The following PLXDC1 variants were observed in gnomAD, a reference collection of about 807,000 sequenced individuals.
The protein encoded by PLXDC1 is plexin domain-containing protein 1.
A neutral mutation model predicts 61.3 loss-of-function variants in PLXDC1; 39 were observed. The ratio of observed to expected loss-of-function variants is 0.64; its 90% CI spans 0.49 to 0.83. The LOEUF (loss-of-function observed/expected upper bound fraction) is 0.83. PLXDC1 is among the 40% of genes least tolerant of loss of function. The probability of loss-of-function intolerance (pLI) is 0.00; values close to 1 mark genes in which losing one functional copy is unlikely to be tolerated. For synonymous variants in PLXDC1, 212 were observed against 254.5 expected (o/e 0.83, Z 1.59); for missense variants, 596 against 666.5 (o/e 0.89, Z 1.17).
chr17:39,116,259 C>G (rs1262096607), intron 2 of PLXDC1, among the ~76,000 whole-genome samples: 2 of 152,094 alleles, frequency 1.3e-5, no homozygotes, highest in African/African-American at 4.8e-5. Context: ...GGCTACCTAC[C>G]AGTCATTGGT....
At chr17:39,100,944 A>T (rs560392459) in intron 7 of PLXDC1, among the ~76,000 whole-genome samples, 2 of 152,372 alleles carry the variant, frequency 1.3e-5, no homozygotes, top group East Asian at 3.9e-4. Flanking sequence ...CAAGTATTTC[A>T]ATATTTTGAC....
intron 2 of PLXDC1, among the ~76,000 whole-genome samples, chr17:39,128,173 GTATA>G (rs988152017): frequency 2.2e-5 from 2 of 89,058 alleles, no homozygotes; most frequent in African/African-American, 3.8e-5. Context: ...GTATATATAT[GTATA>G]TATATATGTG....
chr17:39,093,530 A>C (rs1448092337), intron 7 of PLXDC1, among the ~76,000 whole-genome samples: 7 of 152,082 alleles, frequency 4.6e-5, no homozygotes. Context: ...CAGCCTGGCC[A>C]ACATGGTGAA....
chr17:39,132,693 AGGCAGCTG>A (rs1220924122), intron 2 of PLXDC1, among the ~76,000 whole-genome samples: 8 of 152,046 alleles, frequency 5.3e-5, no homozygotes, highest in African/African-American at 1.9e-4. Context: ...GGCTGAATGG[AGGCAGCTG>A]GGCAGAGGGT....
chr17:39,066,640 C>CA lies in PLXDC1; in HGVS notation c.*1199dup, dbSNP rs1184040148. 2.6e-5 allele frequency: 4 copies of CA among 152,226 alleles called. No homozygotes were observed. The East Asian group carries it at 7.7e-4, about 29-fold the overall frequency. The allele number at this position is 152,226 out of a possible 1,614,324, so 9.4% of individuals were successfully genotyped here. On this transcript the variant is annotated 3_prime_UTR_variant, in exon 14 of 14. Coordinates refer to ENST00000315392, the MANE Select transcript of PLXDC1 (RefSeq NM_020405.5). Reference sequence around the variant, plus strand: ...TCGCTCTGTCACCCAGGCTGGAGTGCAGTGGCACTATCTGAGCTCACTGCA... The same window carrying CA: ...TCGCTCTGTCACCCAGGCTGGAGTGCAAGTGGCACTATCTGAGCTCACTGCA...
chr17:39,075,561 G>C (rs920635255), intron 11 of PLXDC1, among the ~76,000 whole-genome samples: 11 of 152,178 alleles, frequency 7.2e-5, no homozygotes, highest in Non-Finnish European at 1.5e-4. Flanking sequence ...CTGAGCCTTA[G>C]TGTCTCCTTT....
chr17:39,119,968 C>T (rs190120596), intron 2 of PLXDC1, among the ~76,000 whole-genome samples: 2 of 152,138 alleles, frequency 1.3e-5, no homozygotes. Flanking sequence ...ACCAGACACA[C>T]CTCATTGTAA....
chr17:39,093,378 CTT>C (rs896638805), intron 7 of PLXDC1, among the ~76,000 whole-genome samples: 3 of 152,146 alleles, frequency 2.0e-5, no homozygotes, highest in Non-Finnish European at 4.4e-5. Context: ...GGCCACATCT[CTT>C]TACAATTTAC....
intron 2 of PLXDC1, among the ~76,000 whole-genome samples, chr17:39,113,446 C>A (rs1910873354): frequency 2.0e-5 from 3 of 152,186 alleles, no homozygotes; most frequent in Non-Finnish European, 4.4e-5. Flanking sequence ...TTTCCCTGTT[C>A]CACATCATCC....
intron 2 of PLXDC1, 140 bp from the exon 3 acceptor site, chr17:39,109,531 CTGAT>C: frequency 9.8e-7 from 1 of 1,018,520 alleles, no homozygotes; most frequent in Non-Finnish European, 1.4e-6. Context: ...GCCCCAAGGG[CTGAT>C]TTAGGCCTAG....
chr17:39,108,810 A>G, intron 4 of PLXDC1, 94 bp downstream of exon 4: 1 of 800,810 alleles, frequency 1.2e-6, no homozygotes, highest in South Asian at 1.4e-5. Flanking sequence ...CCCATTTCAT[A>G]TAACCCTGTC....
intron 11 of PLXDC1, among the ~76,000 whole-genome samples, chr17:39,075,832 C>T (rs1185646044): frequency 6.6e-6 from 1 of 152,212 alleles, no homozygotes; most frequent in Non-Finnish European, 1.5e-5. Flanking sequence ...AATCCTAAGA[C>T]TTTGGGAAGC....
chr17:39,086,494 G>T (rs1475421009), intron 8 of PLXDC1, among the ~76,000 whole-genome samples: 2 of 152,150 alleles, frequency 1.3e-5, no homozygotes, highest in African/African-American at 4.8e-5. Context: ...GTAAAGAGAG[G>T]CAAGAAATGC....
intron 7 of PLXDC1, among the ~76,000 whole-genome samples, chr17:39,099,293 G>A (rs12603913): frequency 0.26 from 39,740 of 151,986 alleles, 5,685 homozygotes; most frequent in Admixed American, 0.42. Flanking sequence ...GAATCACAGA[G>A]GAGCCTCAGA....
At chr17:39,149,212 G>A (rs2045358963) in intron 1 of PLXDC1, among the ~76,000 whole-genome samples, 1 of 152,058 alleles carries the variant, frequency 6.6e-6, no homozygotes, top group Non-Finnish European at 1.5e-5. Context: ...GGAGCGAGGG[G>A]AGATCTCAGC....
chr17:39,080,968 A>G (rs954813748), intron 9 of PLXDC1: 1 of 152,876 alleles, frequency 6.5e-6, no homozygotes, highest in Non-Finnish European at 1.5e-5. Context: ...TGCAGTTCTC[A>G]TGGCTCAGCG....
At chr17:39,088,943 G>GAAAAAAAAAAAAAAAAAAAAAAA (rs56714275) in intron 7 of PLXDC1, among the ~76,000 whole-genome samples, 2 of 63,914 alleles carry the variant, frequency 3.1e-5, no homozygotes, top group African/African-American at 1.3e-4. Flanking sequence ...GAGCAAGACT[G>GAAAAAAAAAAAAAAAAAAAAAAA]AAAAAAAAAA....
chr17:39,144,008 T>C (rs1207762662), intron 1 of PLXDC1, among the ~76,000 whole-genome samples: 7 of 152,078 alleles, frequency 4.6e-5, no homozygotes, highest in African/African-American at 1.7e-4. Context: ...CAGAACAGGA[T>C]AGAGCGGGTA....
intron 4 of PLXDC1, 129 bp from the exon 5 acceptor site, chr17:39,108,374 A>G: frequency 1.0e-6 from 1 of 973,340 alleles, no homozygotes; most frequent in Non-Finnish European, 1.6e-6. Context: ...TCTGTCGCCC[A>G]TCCCCATCTG....
Sources: allele counts gnomAD v4.1 joint callset (sites outside exome capture counted in the v4.1 genomes callset), GRCh38; gene constraint gnomAD v4.1.1; transcripts MANE v1.5; gene names NCBI Gene and HGNC (gene_info 2026-07-23, HGNC 2026-07-21).